LYST: variants seen among roughly 807,000 people sequenced by gnomAD.
LYST encodes lysosomal trafficking regulator.
A neutral mutation model predicts 413.6 loss-of-function variants in LYST; 192 were observed. The ratio of observed to expected loss-of-function variants is 0.46; its 90% CI spans 0.41 to 0.52. The LOEUF is 0.52. Ranked by LOEUF, LYST falls within the 20% of genes least tolerant of loss-of-function variation. The probability of loss-of-function intolerance (pLI) is 0.00; values close to 1 mark genes in which losing one functional copy is unlikely to be tolerated. For missense variants in LYST, 3,815 were observed against 4,499.9 expected (o/e 0.85, Z 4.35); for synonymous variants, 1,525 against 1,567.3 (o/e 0.97, Z 0.64).
intron 11 of LYST, 55 bp from the exon 12 acceptor site, chr1:235,792,180 T>C: frequency 8.6e-7 from 1 of 1,166,146 alleles, no homozygotes; most frequent in South Asian, 1.3e-5. Flanking sequence ...AAGTACATAA[T>C]AATCTTGAAA....
intron 40 of LYST, among the ~76,000 whole-genome samples, chr1:235,717,090 T>C (rs1350893393): frequency 6.6e-6 from 1 of 152,238 alleles, no homozygotes; most frequent in Non-Finnish European, 1.5e-5. Flanking sequence ...ATAACTGATG[T>C]TGCTCGTGGG....
At position 235,730,851 on chromosome 1, in the gene LYST, T is replaced by C. The variant is rs750729884; in HGVS notation, c.9040A>G (p.Ile3014Val). ...TVKDKAASES[I>V]RVNRRCISVA... ...GGTCTATTGATTCAAAGTTACCTTA[T>C]AGATTCACTTGCAGCTTTGTCTTTG... Residue 3014 changes from isoleucine to valine, a missense_variant, in exon 36 of 53, where the codon ATA becomes GTA. Coordinates refer to ENST00000389793, the MANE Select transcript of LYST (RefSeq NM_000081.4). 53 of 1,593,250 alleles carry C rather than the reference T, an allele frequency of 3.3e-5. No individual in the cohort carries two copies. The highest frequency in any genetic ancestry group is 4.0e-5 in the Non-Finnish European group (46 of 1,161,218).
chr1:235,784,486 A>C (rs1380732750), intron 14 of LYST, among the ~76,000 whole-genome samples: 1 of 152,186 alleles, frequency 6.6e-6, no homozygotes, highest in Non-Finnish European at 1.5e-5. Context: ...AATTCAGAAA[A>C]AGGCTGCAGG....
At chr1:235,882,782 T>C (rs1477967206) in intron 1 of LYST, among the ~76,000 whole-genome samples, 4 of 152,206 alleles carry the variant, frequency 2.6e-5, no homozygotes, top group Admixed American at 6.5e-5. Context: ...TTCAGTTTCA[T>C]GTGCCTTGTG....
chr1:235,737,302 C>T (rs1432445569), intron 31 of LYST: 5 of 151,796 alleles, frequency 3.3e-5, no homozygotes, highest in Admixed American at 3.3e-4. Context: ...TGTTAGGAAC[C>T]AAGATATCAA....
intron 14 of LYST, among the ~76,000 whole-genome samples, chr1:235,784,197 C>A (rs940029653): frequency 6.6e-6 from 1 of 152,110 alleles, no homozygotes. Flanking sequence ...TATTCTATAG[C>A]TTATAAAGTG....
At chr1:235,835,754 C>T (rs1676505139) in intron 1 of LYST, among the ~76,000 whole-genome samples, 1 of 152,054 alleles carries the variant, frequency 6.6e-6, no homozygotes, top group Non-Finnish European at 1.5e-5. Flanking sequence ...TGCCCTTAGC[C>T]CATTATATAT....
chr1:235,882,734 G>C (rs1448058100), intron 1 of LYST, among the ~76,000 whole-genome samples: 1 of 152,172 alleles, frequency 6.6e-6, no homozygotes. Context: ...GCAGTGAGGA[G>C]TGAGAAGGAG....
At chr1:235,699,626 T>C (rs1661391235) in intron 45 of LYST, among the ~76,000 whole-genome samples, 1 of 152,242 alleles carries the variant, frequency 6.6e-6, no homozygotes, top group African/African-American at 2.4e-5. Context: ...ATGGTACTTC[T>C]GGTTCTAGAT....
chr1:235,712,019 C>A, intron 43 of LYST, 38 bp downstream of exon 43: 1 of 1,467,042 alleles, frequency 6.8e-7, no homozygotes, highest in African/African-American at 1.4e-5. Context: ...AACCACAAGC[C>A]CTCAGAAATA....
chr1:235,674,279 G>A lies in LYST; in HGVS notation c.11038+2812C>T, dbSNP rs183122188. Among the ~76,000 whole-genome samples, 1 of 152,204 alleles carries A rather than the reference G, an allele frequency of 6.6e-6. No individual in the cohort carries two copies. Among genetic ancestry groups the A allele is most frequent in the South Asian group, 2.1e-4 (1 of 4,820 alleles). ...GTTTTCATCCCCAAGCGGATGTATG[G>A]TAGTATTGTAGTGGACCACTATTAA... On this transcript the variant is annotated intron_variant, in intron 50 of 52. Coordinates refer to ENST00000389793, the MANE Select transcript of LYST (RefSeq NM_000081.4). This position sits in a 1 kb window ranked among gnomAD's most constrained non-coding sequence, Gnocchi z 4.1.
intron 31 of LYST, chr1:235,738,095 C>G (rs977231021): frequency 1.2e-6 from 2 of 1,605,862 alleles, no homozygotes; most frequent in African/African-American, 1.3e-5. Context: ...GTGCTCTTGG[C>G]ATGGCCTGTG....
chr1:235,809,374 T>G lies in LYST; in HGVS notation c.1444A>C (p.Thr482Pro), dbSNP rs200793880. Reference protein sequence around the residue: ...LINSVMKIMSTVKKVKSEQLH... With the variant: ...LINSVMKIMSPVKKVKSEQLH... ...TGCTCTGATTTCACTTTTTTGACAG[T>G]GCTCATTATTTTCATCACACTATTT... is the stretch of plus-strand genomic sequence containing the variant. Residue 482 changes from threonine to proline, a missense_variant, in exon 5 of 53, where the codon ACT becomes CCT. Transcript: ENST00000389793. This position sits in a 1 kb window ranked among gnomAD's most constrained non-coding sequence, Gnocchi z 4.0. The G allele has an allele frequency of 1.2e-6, 2 of 1,613,864 alleles. No individual in the cohort carries two copies. The highest frequency in any genetic ancestry group is 1.7e-6 in the Non-Finnish European group (2 of 1,179,982).
intron 14 of LYST, among the ~76,000 whole-genome samples, chr1:235,786,277 C>A (rs1271984578): frequency 1.3e-5 from 2 of 152,048 alleles, no homozygotes; most frequent in African/African-American, 4.8e-5. Context: ...AAAAAAAAGT[C>A]CAACTCTGAC....
At chr1:235,767,632 A>G (rs182120547) in intron 20 of LYST, among the ~76,000 whole-genome samples, 37 of 143,996 alleles carry the variant, frequency 2.6e-4, no homozygotes, top group African/African-American at 1.0e-3. Flanking sequence ...CTGGTATTCT[A>G]TTTTATTATT....
chr1:235,732,423 C>A (rs569504492), intron 34 of LYST, among the ~76,000 whole-genome samples: 1 of 152,282 alleles, frequency 6.6e-6, no homozygotes, highest in South Asian at 2.1e-4. Flanking sequence ...CCGCCTCAGC[C>A]TCCCAAAGTA....
At chr1:235,882,072 T>C (rs1401378437) in intron 1 of LYST, among the ~76,000 whole-genome samples, 1 of 127,550 alleles carries the variant, frequency 7.8e-6, no homozygotes, top group African/African-American at 3.8e-5. Flanking sequence ...ACACACACTC[T>C]TTCTTTCACA....
At chr1:235,796,938 T>A (rs1011391472) in intron 10 of LYST, among the ~76,000 whole-genome samples, 1 of 152,206 alleles carries the variant, frequency 6.6e-6, no homozygotes, top group Non-Finnish European at 1.5e-5. Flanking sequence ...TACCACTTCA[T>A]ATCCACCAGG....
rs748529967 is a variant in LYST at position 235,759,589 on chromosome 1, G to A, written c.6264C>T (p.Ser2088=). The A allele has an allele frequency of 6.6e-5, 106 of 1,612,436 alleles. No homozygotes were observed. Among genetic ancestry groups the A allele is most frequent in the African/African-American group, 9.4e-5 (7 of 74,818 alleles). The change falls in exon 23 of 53, where the codon TCC becomes TCT. Residue 2088 remains serine, a synonymous_variant. Transcript: ENST00000389793. ...CCATCTGTTGTGGAATAATATTAGA[G>A]GAATTCTCTCCTGGTAAGAGTAGAT... The part of the protein sequence containing the change: ...FTASPYEGEN[S]SNIIPQQMAA...
Sources: gnomAD v4.1 joint callset for allele counts (sites outside exome capture counted in the v4.1 genomes callset) on GRCh38, gnomAD v4.1.1 for gene constraint, Gnocchi (gnomAD v3.1) non-coding constraint, MANE v1.5 for transcripts, NCBI Gene and HGNC (gene_info 2026-07-23, HGNC 2026-07-21) for gene names.